SGPL1: variants seen among roughly 807,000 people sequenced by gnomAD.
The protein encoded by SGPL1 is SP-lyase 1.
Under a neutral mutation model 68.9 loss-of-function variants are expected in SGPL1, and 37 were observed. That is an observed-to-expected ratio of 0.54 (90% confidence interval 0.41 to 0.71). The LOEUF is 0.71. Among genes scored for constraint, SGPL1 ranks in the 30% least tolerant of loss-of-function variants. The probability of loss-of-function intolerance (pLI) is 0.00; values close to 1 mark genes in which losing one functional copy is unlikely to be tolerated. For synonymous variants in SGPL1, 236 were observed against 248.5 expected (o/e 0.95, Z 0.47); for missense variants, 551 against 704.6 (o/e 0.78, Z 2.47).
At chr10:70,861,366 C>A (rs1846049847) in intron 7 of SGPL1, among the ~76,000 whole-genome samples, 1 of 152,208 alleles carries the variant, frequency 6.6e-6, no homozygotes, top group African/African-American at 2.4e-5. Context: ...ACTGTTAGGA[C>A]AACTGATACT....
chr10:70,830,253 G>A (rs1845510276), intron 2 of SGPL1, among the ~76,000 whole-genome samples: 2 of 152,258 alleles, frequency 1.3e-5, no homozygotes, highest in Middle Eastern at 6.8e-3. Flanking sequence ...TCACAGTTGT[G>A]CAGCCATCCC....
intron 8 of SGPL1, chr10:70,869,536 C>T: frequency 3.3e-6 from 1 of 307,004 alleles, no homozygotes; most frequent in Non-Finnish European, 6.0e-6. Flanking sequence ...CTTTGGATCC[C>T]TCACTGTGGG....
chr10:70,859,287 T>A (rs1033553430), intron 6 of SGPL1, 84 bp from the exon 7 acceptor site: 6 of 1,060,420 alleles, frequency 5.7e-6, no homozygotes, highest in Non-Finnish European at 7.3e-6. Context: ...TGCCTAATAC[T>A]TAGAAACTGT....
At chr10:70,862,431 A>G (rs540102316) in intron 7 of SGPL1, among the ~76,000 whole-genome samples, 2 of 152,264 alleles carry the variant, frequency 1.3e-5, no homozygotes, top group African/African-American at 4.8e-5. Flanking sequence ...GGCTCTACCA[A>G]TCAGCAGGAT....
At chr10:70,853,409 C>T (rs777838610) in intron 4 of SGPL1, among the ~76,000 whole-genome samples, 3 of 152,184 alleles carry the variant, frequency 2.0e-5, no homozygotes, top group Admixed American at 6.5e-5. Context: ...TGTGACAAAT[C>T]GTGACATGTA....
chr10:70,853,066 C>G (rs1845912624), intron 4 of SGPL1, among the ~76,000 whole-genome samples: 1 of 152,186 alleles, frequency 6.6e-6, no homozygotes, highest in Admixed American at 6.5e-5. Context: ...ATAGCATACT[C>G]TATGTATGGA....
Position 70,877,389 on chromosome 10 carries a change from A to C in SGPL1, c.*54A>C, listed in dbSNP as rs1281458462. The C allele has an allele frequency of 3.7e-5, 58 of 1,587,698 alleles. 1 individual carries two copies. Among genetic ancestry groups the C allele is most frequent in the Non-Finnish European group, 3.4e-5 (39 of 1,156,794 alleles). On this transcript the variant is annotated 3_prime_UTR_variant, in exon 15 of 15. Transcript: ENST00000373202. ...TTCCAGCCTTCAGAAGGTTCTTGGG[A>C]TATGGAACAGGCCGTGCACAACTTT...
At chr10:70,826,832 C>T (rs369391683) in intron 2 of SGPL1, among the ~76,000 whole-genome samples, 48 of 152,210 alleles carry the variant, frequency 3.2e-4, no homozygotes, top group East Asian at 2.1e-3. Flanking sequence ...AGTATTCATG[C>T]GATCCATGTT....
intron 2 of SGPL1, among the ~76,000 whole-genome samples, chr10:70,823,179 GCT>G (rs1845372012): frequency 6.6e-6 from 1 of 151,648 alleles, no homozygotes; most frequent in Admixed American, 6.6e-5. Context: ...ACTCTCTCTG[GCT>G]CTCTCACAGA....
At chr10:70,840,868 A>G (rs1845702576) in intron 2 of SGPL1, among the ~76,000 whole-genome samples, 1 of 152,122 alleles carries the variant, frequency 6.6e-6, no homozygotes, top group Non-Finnish European at 1.5e-5. Context: ...CTGTCACCCT[A>G]ATACTGGTTA....
At chr10:70,817,029 G>GT (rs1019291243) in intron 2 of SGPL1, 149 bp downstream of exon 2, 6 of 883,182 alleles carry the variant, frequency 6.8e-6, no homozygotes, top group Non-Finnish European at 7.6e-6. Flanking sequence ...GTTTTGTTTT[G>GT]TTTTTTTGGA....
At position 70,816,800 on chromosome 10, in the gene SGPL1, C is replaced by G; in HGVS notation, c.-43-11C>G. 4.4e-6 allele frequency: 7 copies of G among 1,585,560 alleles called. No homozygotes were observed. Among genetic ancestry groups the G allele is most frequent in the Non-Finnish European group, 6.1e-6 (7 of 1,154,250 alleles). On this transcript the variant is annotated splice_polypyrimidine_tract_variant and intron_variant, in intron 1 of 14. Coordinates refer to ENST00000373202, the MANE Select transcript of SGPL1 (RefSeq NM_003901.4). ...GCTCTAGAAGTAAACAAACCTGGTT[C>G]CCTTTTACAGAGTCTGAAAAAGGGG...
At chr10:70,830,696 C>T (rs917402912) in intron 2 of SGPL1, among the ~76,000 whole-genome samples, 2 of 152,076 alleles carry the variant, frequency 1.3e-5, no homozygotes, top group Admixed American at 1.3e-4. Flanking sequence ...GGAATATGGA[C>T]CTTTATGACT....
In SGPL1 at chr10:70,851,201, T is replaced by C. The variant is rs773042378; in HGVS notation, c.252T>C (p.Ile84=). 7 of 1,613,038 alleles carry C rather than the reference T, an allele frequency of 4.3e-6. No individual in the cohort carries two copies. Among genetic ancestry groups the C allele is most frequent in the Middle Eastern group, 3.3e-4 (2 of 6,084 alleles). The change falls in exon 4 of 15, where the codon ATT becomes ATC. Residue 84 remains isoleucine, a synonymous_variant. Transcript: ENST00000373202. Reference sequence around the variant, plus strand: ...AGCTCACCAGGAAGATGCCCATTATTGGTCGTAAGGTAAGTAGAATCTGTG... The same window carrying C: ...AGCTCACCAGGAAGATGCCCATTATCGGTCGTAAGGTAAGTAGAATCTGTG... The part of the protein sequence containing the change: ...CFKLTRKMPI[I]GRKIQDKLNK...
chr10:70,845,648 G>A (rs565084672), intron 3 of SGPL1, among the ~76,000 whole-genome samples: 1 of 152,118 alleles, frequency 6.6e-6, no homozygotes, highest in South Asian at 2.1e-4. Context: ...TAGAAACCTG[G>A]TTGTGTGTTA....
chr10:70,876,263 G>A (rs1846382719), intron 13 of SGPL1, among the ~76,000 whole-genome samples: 1 of 152,148 alleles, frequency 6.6e-6, no homozygotes, highest in Admixed American at 6.5e-5. Context: ...AGGAATGGTG[G>A]TGGAATTTGT....
intron 13 of SGPL1, among the ~76,000 whole-genome samples, 184 bp from the exon 14 acceptor site, chr10:70,876,357 C>G (rs568723910): frequency 1.3e-5 from 2 of 152,236 alleles, no homozygotes; most frequent in African/African-American, 2.4e-5. Context: ...CTGAGGCCAG[C>G]CCATGCCTGA....
At chr10:70,863,018 T>G (rs1564628857) in intron 7 of SGPL1, among the ~76,000 whole-genome samples, 1 of 152,190 alleles carries the variant, frequency 6.6e-6, no homozygotes, top group Non-Finnish European at 1.5e-5. Flanking sequence ...AGGGTGTCAC[T>G]CTGTTGCTCA....
At chr10:70,838,112 C>T (rs1168063579) in intron 2 of SGPL1, among the ~76,000 whole-genome samples, 2 of 152,198 alleles carry the variant, frequency 1.3e-5, no homozygotes, top group African/African-American at 4.8e-5. Context: ...CAAATCATAA[C>T]AGGTAGTTAG....
Sources: allele counts gnomAD v4.1 joint callset (sites outside exome capture counted in the v4.1 genomes callset), GRCh38; gene constraint gnomAD v4.1.1; transcripts MANE v1.5; gene names NCBI Gene and HGNC (gene_info 2026-07-23, HGNC 2026-07-21).